Variants in BFSP2 observed in about 807,000 individuals in gnomAD.
BFSP2 encodes beaded filament structural protein 2.
BFSP2 carries 38 observed loss-of-function variants against 44.9 expected under a neutral mutation model. That is an observed-to-expected ratio of 0.85 (90% confidence interval 0.65 to 1.11). BFSP2 has a LOEUF of 1.11. Ranked by LOEUF, BFSP2 falls within the 50% of genes least tolerant of loss-of-function variation. The pLI is 0.00. For missense variants in BFSP2, 525 were observed against 533.0 expected (o/e 0.99, Z 0.15); for synonymous variants, 197 against 209.9 (o/e 0.94, Z 0.53).
intron 1 of BFSP2, among the ~76,000 whole-genome samples, chr3:133,438,263 A>G (rs1208705511): frequency 6.6e-6 from 1 of 152,258 alleles, no homozygotes; most frequent in African/African-American, 2.4e-5. Context: ...ACGGTGGCTC[A>G]TGCCTTTAAT....
At chr3:133,432,623 A>G (rs2073734243) in intron 1 of BFSP2, among the ~76,000 whole-genome samples, 1 of 152,204 alleles carries the variant, frequency 6.6e-6, no homozygotes, top group African/African-American at 2.4e-5. Context: ...TCTCAACAAG[A>G]CACACCTCTG....
intron 1 of BFSP2, among the ~76,000 whole-genome samples, chr3:133,424,224 T>TGTG (rs1553778837): frequency 0.16 from 20,326 of 126,616 alleles, 1,938 homozygotes; most frequent in East Asian, 0.3. Flanking sequence ...TTTTTTTTTT[T>TGTG]TTTTTTTTTT....
intron 1 of BFSP2, among the ~76,000 whole-genome samples, chr3:133,423,353 G>C (rs894034034): frequency 2.0e-5 from 3 of 152,118 alleles, no homozygotes; most frequent in African/African-American, 7.2e-5. Context: ...TCACTCCACC[G>C]GGTTGTTGTG....
At chr3:133,404,077 T>C (rs2073384381) in intron 1 of BFSP2, among the ~76,000 whole-genome samples, 1 of 152,066 alleles carries the variant, frequency 6.6e-6, no homozygotes, top group South Asian at 2.1e-4. Flanking sequence ...TGAAGTCTCA[T>C]AGGATGCTGC....
At chr3:133,417,067 C>CAT (rs2073541835) in intron 1 of BFSP2, among the ~76,000 whole-genome samples, 1 of 140,656 alleles carries the variant, frequency 7.1e-6, no homozygotes, top group Non-Finnish European at 1.5e-5. Context: ...TCATCCCTGC[C>CAT]CTCTCCCTTC....
At chr3:133,420,737 G>A (rs1559962158) in intron 1 of BFSP2, among the ~76,000 whole-genome samples, 3 of 152,202 alleles carry the variant, frequency 2.0e-5, no homozygotes, top group Non-Finnish European at 4.4e-5. Context: ...CAGCCCCTGT[G>A]AGGCTGGGGG....
chr3:133,472,385 G>A lies in BFSP2; in HGVS notation c.1064G>A (p.Trp355Ter), dbSNP rs2074171080. Residue 355 changes from tryptophan (W) to a stop codon, truncating the protein, a stop_gained, in exon 6 of 7, where the codon TGG becomes TAG. Coordinates refer to ENST00000302334, the MANE Select transcript of BFSP2 (RefSeq NM_003571.4). LOFTEE classifies it high-confidence loss of function. Reference protein sequence around the residue: ...LENTLHDAKHWHDMELQNLGA... With the variant: ...LENTLHDAKH The stretch of plus-strand genomic sequence containing the variant: ...AACACCTTGCACGATGCCAAGCACT[G>A]GCATGACATGGAGCTCCAGAACCTG... The A allele has an allele frequency of 4.3e-6, 7 of 1,613,814 alleles. No homozygotes were observed. Among genetic ancestry groups the A allele is most frequent in the Non-Finnish European group, 5.9e-6 (7 of 1,180,002 alleles).
chr3:133,436,817 C>G (rs1158667759), intron 1 of BFSP2, among the ~76,000 whole-genome samples: 1 of 152,132 alleles, frequency 6.6e-6, no homozygotes. Flanking sequence ...CAAGTGTCCT[C>G]ATTGTTCAGT....
chr3:133,472,083 CCTT>C (rs2074167588), intron 5 of BFSP2, among the ~76,000 whole-genome samples: 1 of 152,226 alleles, frequency 6.6e-6, no homozygotes, highest in South Asian at 2.1e-4. Flanking sequence ...CTCCCTCTCT[CCTT>C]CTCTTTTTCG....
At chr3:133,425,970 T>G (rs765664940) in intron 1 of BFSP2, among the ~76,000 whole-genome samples, 20 of 316 alleles carry the variant, frequency 0.063, 1 homozygote, top group African/African-American at 0.071. Context: ...GGGGAGGGGA[T>G]GGGGGAGGGG....
At position 133,439,520 on chromosome 3, in the gene BFSP2, A is replaced by G. The variant is rs6791005; in HGVS notation, c.490-7797A>G. ...CAGCATAAAAACTGCAGAGATTGAT[A>G]TACCACAGTGAGTATGGGGAGTACT... On this transcript the variant is annotated intron_variant, in intron 1 of 6. Transcript: ENST00000302334. Among the ~76,000 whole-genome samples, 1,286 of 152,356 alleles carry G rather than the reference A, an allele frequency of 8.4e-3. 21 individuals are homozygous for G. The highest frequency in any genetic ancestry group is 0.029 in the African/African-American group (1,197 of 41,582).
chr3:133,422,424 C>A (rs1173889868), intron 1 of BFSP2, among the ~76,000 whole-genome samples: 3 of 152,184 alleles, frequency 2.0e-5, no homozygotes, highest in African/African-American at 4.8e-5. Flanking sequence ...AAACCTGGTG[C>A]CACTGACTCC....
chr3:133,463,857 C>T (rs913775757), intron 4 of BFSP2, among the ~76,000 whole-genome samples: 8 of 152,142 alleles, frequency 5.3e-5, no homozygotes, highest in African/African-American at 1.9e-4. Context: ...GCCTCTCCCG[C>T]CCTGTTCATG....
chr3:133,472,686 G>A, intron 6 of BFSP2, 121 bp downstream of exon 6: 1 of 1,212,988 alleles, frequency 8.2e-7, no homozygotes, highest in Admixed American at 2.0e-5. Flanking sequence ...CTCTCACATA[G>A]GCACCCATTC....
intron 1 of BFSP2, among the ~76,000 whole-genome samples, chr3:133,431,671 G>A (rs2073720983): frequency 6.6e-6 from 1 of 151,942 alleles, no homozygotes; most frequent in Admixed American, 6.6e-5. Context: ...CACAGCGGAG[G>A]GTAAGTCCAT....
intron 1 of BFSP2, among the ~76,000 whole-genome samples, chr3:133,417,882 A>C (rs1242199898): frequency 4.9e-4 from 28 of 56,694 alleles, no homozygotes; most frequent in Admixed American, 1.2e-3. Context: ...TCTCCCCTCT[A>C]CTCACCTCTG....
chr3:133,425,317 G>C (rs1191343000), intron 1 of BFSP2, among the ~76,000 whole-genome samples: 1 of 152,190 alleles, frequency 6.6e-6, no homozygotes, highest in Non-Finnish European at 1.5e-5. Context: ...GTCCATCCCT[G>C]TTACATGCCA....
chr3:133,429,613 A>G (rs959734902), intron 1 of BFSP2: 1 of 152,186 alleles, frequency 6.6e-6, no homozygotes, highest in East Asian at 1.9e-4. Flanking sequence ...TATTATTTCC[A>G]TCTGCAACTT....
intron 1 of BFSP2, among the ~76,000 whole-genome samples, chr3:133,423,206 A>G (rs1172930600): frequency 6.6e-6 from 1 of 152,078 alleles, no homozygotes; most frequent in Non-Finnish European, 1.5e-5. Context: ...GGAGACTGCA[A>G]CAGAATATCA....
Sources: allele counts gnomAD v4.1 joint callset (sites outside exome capture counted in the v4.1 genomes callset), GRCh38; gene constraint gnomAD v4.1.1; transcripts MANE v1.5; gene names NCBI Gene and HGNC (gene_info 2026-07-23, HGNC 2026-07-21).